Variants in KCNQ1OT1 observed in about 807,000 individuals in gnomAD.
KCNQ1OT1 encodes KCNQ1 antisense RNA 2 (non-protein coding).
At chr11:2,634,309 TC>T (rs1564840070) in exon 1 of KCNQ1OT1, 11 of 177,108 alleles carry the variant, frequency 6.2e-5, no homozygotes, top group African/African-American at 2.1e-4. Context: ...CCTAATGCTT[TC>T]CCTCCCCCCT....
rs370500434 is a variant in KCNQ1OT1 at position 2,652,779 on chromosome 11, C to G, written n.47216G>C. 1 of 399,206 alleles carries G rather than the reference C, an allele frequency of 2.5e-6. No individual in the cohort carries two copies. The highest frequency in any genetic ancestry group is 3.6e-5 in the East Asian group (1 of 28,092). The allele number at this position is 399,206 out of a possible 1,614,324, so 24.7% of individuals were successfully genotyped here. On this transcript the variant is annotated non_coding_transcript_exon_variant, in exon 1 of 1. Transcript: ENST00000597346. The surrounding 1 kb of genome is among the most constrained non-coding windows in gnomAD (Gnocchi z 5.9). ...TCACTGCCTGTCTTCCTCAGCGCCC[C>G]CGCTACTCAGACCCCACCCTTGGGC...
At chr11:2,656,138 T>A in exon 1 of KCNQ1OT1, 1 of 398,654 alleles carries the variant, frequency 2.5e-6, no homozygotes, top group Non-Finnish European at 4.4e-6. Context: ...CATCGTTCCT[T>A]CTACATACAA....
At chr11:2,625,866 G>A in exon 1 of KCNQ1OT1, 1 of 398,616 alleles carries the variant, frequency 2.5e-6, no homozygotes, top group Non-Finnish European at 4.4e-6. Context: ...ACCGTGCCTG[G>A]CCCTTTTGCC....
chr11:2,699,658 A>ACCCCCGGGGAGAACCGCGCCGAAGAC (rs1850752188), exon 1 of KCNQ1OT1: 2 of 338,768 alleles, frequency 5.9e-6, no homozygotes, highest in Non-Finnish European at 1.0e-5. Flanking sequence ...GCGCCGAAGA[A>ACCCCCGGGGAGAACCGCGCCGAAGAC]CCCCCGGGGA....
At chr11:2,672,753 C>T (rs549314700) in exon 1 of KCNQ1OT1, 3 of 398,634 alleles carry the variant, frequency 7.5e-6, no homozygotes, top group Non-Finnish European at 1.3e-5. Flanking sequence ...TTTTGCTGGT[C>T]CAGCATGGCC....
exon 1 of KCNQ1OT1, chr11:2,637,494 T>C (rs1292475006): frequency 1.3e-5 from 2 of 152,246 alleles, no homozygotes; most frequent in African/African-American, 2.4e-5. Context: ...TTGAGCGGTT[T>C]TGAGTGAGTT....
At chr11:2,630,236 C>T (rs1468254587) in exon 1 of KCNQ1OT1, 1 of 398,192 alleles carries the variant, frequency 2.5e-6, no homozygotes, top group East Asian at 3.6e-5. Flanking sequence ...GTACACTTAA[C>T]TGTCCTTATG....
At chr11:2,646,890 G>T (rs1220833640) in exon 1 of KCNQ1OT1, 1 of 398,412 alleles carries the variant, frequency 2.5e-6, no homozygotes, top group Non-Finnish European at 4.4e-6. Context: ...AAAGATTTTG[G>T]TGGAATCTTT....
chr11:2,616,856 T>G, exon 1 of KCNQ1OT1: 1 of 398,282 alleles, frequency 2.5e-6, no homozygotes, highest in Non-Finnish European at 4.4e-6. Flanking sequence ...GAATGTGTAG[T>G]TGGGTGGAGT....
chr11:2,680,265 T>C, exon 1 of KCNQ1OT1: 1 of 398,176 alleles, frequency 2.5e-6, no homozygotes, highest in Non-Finnish European at 4.4e-6. Flanking sequence ...CCCATTGGCA[T>C]TTGTTATTGA....
chr11:2,660,376 G>A (rs1038220126), exon 1 of KCNQ1OT1: 5 of 398,286 alleles, frequency 1.3e-5, no homozygotes, highest in African/African-American at 1.0e-4. Context: ...ACGCTGATGT[G>A]GGAAAACCTT....
Position 2,680,925 on chromosome 11 carries a change from G to A in KCNQ1OT1, n.19070C>T, listed in dbSNP as rs992599280. 3.5e-5 allele frequency: 14 copies of A among 398,434 alleles called. No individual in the cohort carries two copies. The East Asian group carries it at 4.3e-4, about 12-fold the overall frequency. The allele number at this position is 398,434 out of a possible 1,614,324, so 24.7% of individuals were successfully genotyped here. On this transcript the variant is annotated non_coding_transcript_exon_variant, in exon 1 of 1. Coordinates refer to ENST00000597346, the Ensembl canonical transcript of KCNQ1OT1. ...TTTTGGTATGACCCAATTTGGGTTT[G>A]TATTTTTAAAGCTGATGGACACTAT...
rs1372360120 is a variant in KCNQ1OT1, at chr11:2,646,365, C to T, written n.53630G>A. Reference sequence around the variant, plus strand: ...GGGATGTCTCAAAAAATTTTGTAGCCTCTTCAATTACTGTTATCAGTATTT... The same window carrying T: ...GGGATGTCTCAAAAAATTTTGTAGCTTCTTCAATTACTGTTATCAGTATTT... On this transcript the variant is annotated non_coding_transcript_exon_variant, in exon 1 of 1. Coordinates refer to ENST00000597346, the Ensembl canonical transcript of KCNQ1OT1. 1.0e-5 allele frequency: 4 copies of T among 398,420 alleles called. No homozygotes were observed. The East Asian group carries it at 1.4e-4, about 14-fold the overall frequency. 24.7% of individuals were successfully genotyped at this position (398,420 alleles called of 1,614,324 possible). A position where few individuals can be genotyped will look rare whatever the true frequency, so the allele number is the denominator to read the frequency against.
chr11:2,622,633 CT>C (rs558561618), exon 1 of KCNQ1OT1: 27 of 398,338 alleles, frequency 6.8e-5, no homozygotes, highest in Non-Finnish European at 1.2e-4. Flanking sequence ...CCCTTACTGC[CT>C]TTTTTTGTGT....
rs1850239917 is a variant in KCNQ1OT1, at chr11:2,674,017, C to G, written n.25978G>C. On this transcript the variant is annotated non_coding_transcript_exon_variant, in exon 1 of 1. Coordinates refer to ENST00000597346, the Ensembl canonical transcript of KCNQ1OT1. The surrounding 1 kb of genome is among the most constrained non-coding windows in gnomAD (Gnocchi z 5.9). ...GGGGAGGGCCCTCCGTGCTTTCTGG[C>G]TCTTTGGGCCTGGGGTGCAGCCCCT... is the stretch of plus-strand genomic sequence containing the variant. 3 of 398,404 alleles carry G rather than the reference C, an allele frequency of 7.5e-6. No homozygotes were observed. Among genetic ancestry groups the G allele is most frequent in the African/African-American group, 6.2e-5 (3 of 48,594 alleles). 24.7% of individuals were successfully genotyped at this position (398,404 alleles called of 1,614,324 possible). A position where few individuals can be genotyped will look rare whatever the true frequency, so the allele number is the denominator to read the frequency against.
rs930227666 is a variant in KCNQ1OT1, at chr11:2,676,116, G to A, written n.23879C>T. ...GTGTGTGCATGTACTTAGTAGATAC[G>A]GCTCCTTTTTATACAAATGGTAGCA... On this transcript the variant is annotated non_coding_transcript_exon_variant, in exon 1 of 1. Transcript: ENST00000597346. The surrounding 1 kb of genome is among the most constrained non-coding windows in gnomAD (Gnocchi z 4.2). The A allele has an allele frequency of 2.3e-5, 9 of 398,378 alleles. No individual in the cohort carries two copies. The highest frequency in any genetic ancestry group is 4.0e-5 in the Non-Finnish European group (9 of 226,046). 24.7% of individuals were successfully genotyped at this position (398,378 alleles called of 1,614,324 possible).
In KCNQ1OT1 at chr11:2,691,560, A is replaced by G. The variant is rs984888320; in HGVS notation, n.8435T>C. 7.5e-6 allele frequency: 3 copies of G among 398,420 alleles called. No homozygotes were observed. Among genetic ancestry groups the G allele is most frequent in the African/African-American group, 4.1e-5 (2 of 48,570 alleles). 24.7% of individuals were successfully genotyped at this position (398,420 alleles called of 1,614,324 possible). On this transcript the variant is annotated non_coding_transcript_exon_variant, in exon 1 of 1. Transcript: ENST00000597346. This position sits in a 1 kb window ranked among gnomAD's most constrained non-coding sequence, Gnocchi z 6.4. ...GGGATTTCTCTATCCTGAGGTTATG[A>G]AATACCTCAGCAAGGACGAGGCCTC...
rs752267516 is a variant in KCNQ1OT1 at position 2,669,167 on chromosome 11, G to A, written n.30828C>T. 9.8e-5 allele frequency: 39 copies of A among 398,648 alleles called. No homozygotes were observed. Among genetic ancestry groups the A allele is most frequent in the Non-Finnish European group, 1.5e-4 (34 of 226,094 alleles). 24.7% of individuals were successfully genotyped at this position (398,648 alleles called of 1,614,324 possible). ...ACTGGTCAGATTCAAGTTGTTCTTT[G>A]TGGCCAGGACCTTGCTTCCTTCTCA... On this transcript the variant is annotated non_coding_transcript_exon_variant, in exon 1 of 1. Coordinates refer to ENST00000597346, the Ensembl canonical transcript of KCNQ1OT1. The surrounding 1 kb of genome is among the most constrained non-coding windows in gnomAD (Gnocchi z 5.6).
exon 1 of KCNQ1OT1, chr11:2,686,715 A>T (rs1218959547): frequency 2.5e-6 from 1 of 398,454 alleles, no homozygotes; most frequent in Non-Finnish European, 4.4e-6. Flanking sequence ...GGGAAGTCCT[A>T]CTCGGCCCCA....
Sources: allele counts gnomAD v4.1 joint callset, GRCh38; gene constraint gnomAD v4.1.1; non-coding constraint Gnocchi (gnomAD v3.1); transcripts MANE v1.5; gene names NCBI Gene and HGNC (gene_info 2026-07-23, HGNC 2026-07-21).